The following MKRN1 variants were observed in gnomAD, a reference collection of about 807,000 sequenced individuals.
MKRN1 encodes the protein E3 ubiquitin-protein ligase makorin-1.
In MKRN1, 9 loss-of-function variants were observed where a neutral mutation model predicts 55.5. That is an observed-to-expected ratio of 0.16 (90% confidence interval 0.10 to 0.28). The LOEUF is 0.28. MKRN1 is among the 10% of genes least tolerant of loss of function. The probability of loss-of-function intolerance (pLI) is 1.00; values close to 1 mark genes in which losing one functional copy is unlikely to be tolerated. For missense variants in MKRN1, 488 were observed against 626.7 expected (o/e 0.78, Z 2.36); for synonymous variants, 253 against 235.9 (o/e 1.07, Z -0.66).
intron 2 of MKRN1, among the ~76,000 whole-genome samples, chr7:140,464,396 T>C (rs1361609813): frequency 6.6e-6 from 1 of 151,450 alleles, no homozygotes; most frequent in Non-Finnish European, 1.5e-5. Flanking sequence ...AGAGCAAGAC[T>C]ATCCTGTCCC....
In MKRN1 at chr7:140,454,584, G is replaced by T. The variant is rs1794414242; in HGVS notation, c.1382C>A (p.Thr461Lys). ...CAAGTCCCACTCATCTTCAGAGTCT[G>T]TTAGTTCGTCGTCCCCACCTGCAGC... ...LLAAGGDDELTDSEDEWDLFH... is the reference protein window; with the variant it reads ...LLAAGGDDELKDSEDEWDLFH... The change falls in exon 8 of 8, where the codon ACA becomes AAA. Residue 461 changes from threonine (T) to lysine (K), a missense_variant. Coordinates refer to ENST00000255977, the MANE Select transcript of MKRN1 (RefSeq NM_013446.4). The T allele has an allele frequency of 3.1e-6, 5 of 1,613,698 alleles. No homozygotes were observed. Among genetic ancestry groups the T allele is most frequent in the Non-Finnish European group, 3.4e-6 (4 of 1,179,872 alleles).
rs1795220160 is a variant in MKRN1, at chr7:140,479,275, C to CCGCCGT, written c.64_69dup (p.Thr22_Ala23dup). The stretch of plus-strand genomic sequence containing the variant: ...GGGATCGGGGTGGGGGAGGCTGCTG[C>CCGCCGT]CGCCGTCGCCGCTGCCGCTCCTGCT... On this transcript the variant is annotated inframe_insertion, in exon 1 of 8. Transcript: ENST00000255977. The CCGCCGT allele has an allele frequency of 7.2e-7, 1 of 1,389,674 alleles. No individual in the cohort carries two copies. The highest frequency in any genetic ancestry group is 1.5e-5 in the African/African-American group (1 of 65,346). 86.1% of individuals were successfully genotyped at this position (1,389,674 alleles called of 1,614,324 possible).
At chr7:140,470,271 C>T (rs1794887039) in intron 2 of MKRN1, among the ~76,000 whole-genome samples, 1 of 149,728 alleles carries the variant, frequency 6.7e-6, no homozygotes, top group Non-Finnish European at 1.5e-5. Context: ...TGCCAACAGT[C>T]ATGAGAGTAA....
Position 140,459,721 on chromosome 7 carries a change from G to A in MKRN1, c.530C>T (p.Pro177Leu), listed in dbSNP as rs201667171. 2 of 1,613,808 alleles carry A rather than the reference G, an allele frequency of 1.2e-6. No individual in the cohort carries two copies. Among genetic ancestry groups the A allele is most frequent in the Non-Finnish European group, 1.7e-6 (2 of 1,179,780 alleles). The change falls in exon 3 of 8, where the codon CCC becomes CTC. Residue 177 changes from proline (P) to leucine (L), a missense_variant. Physicochemically the swap from Pro to Leu is moderately conservative, Grantham distance 98. Around this residue, in one of 2 missense-constraint regions of MKRN1, gnomAD observed 278 missense variants for 406.7 expected, o/e 0.68. Transcript: ENST00000255977. ...VNAIEFVPGQPYCGRTAPSCT... is the reference protein window; with the variant it reads ...VNAIEFVPGQLYCGRTAPSCT... ...AGAATACTTACTACGGCCACAGTAG[G>A]GTTGCCCAGGAACAAACTCAATAGC... is the stretch of plus-strand genomic sequence containing the variant.
intron 1 of MKRN1, among the ~76,000 whole-genome samples, chr7:140,477,346 C>T (rs1192562068): frequency 2.0e-5 from 3 of 151,550 alleles, no homozygotes; most frequent in Non-Finnish European, 2.9e-5. Context: ...TTTCTTCTGA[C>T]AGAGTTTCAC....
intron 1 of MKRN1, chr7:140,474,398 TG>T: frequency 2.9e-6 from 1 of 340,300 alleles, no homozygotes; most frequent in Non-Finnish European, 6.0e-6. Context: ...CCCAGCTACT[TG>T]GGAGGCTGAG....
chr7:140,469,852 C>T (rs1432392803), intron 2 of MKRN1, among the ~76,000 whole-genome samples: 1 of 151,990 alleles, frequency 6.6e-6, no homozygotes, highest in African/African-American at 2.4e-5. Context: ...AGATCAAGAC[C>T]ATCCTTTCAA....
chr7:140,456,035 A>C lies in MKRN1; in HGVS notation c.987-135T>G. The C allele has an allele frequency of 5.0e-6, 5 of 996,054 alleles. No individual in the cohort carries two copies. The Admixed American group carries it at 1.3e-4, about 25-fold the overall frequency. The allele number at this position is 996,054 out of a possible 1,614,324, so 61.7% of individuals were successfully genotyped here. On this transcript the variant is annotated intron_variant, in intron 5 of 7. Transcript: ENST00000255977. ...CGTGGGCATTTCCTGAAAGGGTTCC[A>C]CATACTGTCACACAACTGACCATTT...
chr7:140,457,295 C>T (rs972457111), intron 4 of MKRN1, among the ~76,000 whole-genome samples: 5 of 152,062 alleles, frequency 3.3e-5, no homozygotes, highest in African/African-American at 9.7e-5. Context: ...ACAACTTCAT[C>T]GAGATTTTTC....
intron 2 of MKRN1, 168 bp from the exon 3 acceptor site, chr7:140,460,104 C>T (rs773700099): frequency 1.6e-6 from 1 of 640,056 alleles, no homozygotes; most frequent in Non-Finnish European, 2.8e-6. Flanking sequence ...CAAAAATTAG[C>T]TGGGCATGGT....
In MKRN1 at chr7:140,454,631, G is replaced by C. The variant is rs777122502; in HGVS notation, c.1335C>G (p.Gly445=). Reference sequence around the variant, plus strand: ...CAGCCAAAAGCATAAGCAACATCTCGCCCAGCTCAAAGGTGACAACCTCTT... The same window carrying C: ...CAGCCAAAAGCATAAGCAACATCTCCCCCAGCTCAAAGGTGACAACCTCTT... ...DEEEVVTFEL[G]EMLLMLLAAG... The change falls in exon 8 of 8, where the codon GGC becomes GGG. Residue 445 remains glycine (G), a synonymous_variant. Transcript: ENST00000255977. The C allele has an allele frequency of 2.2e-5, 35 of 1,613,768 alleles. No individual in the cohort carries two copies. The highest frequency in any genetic ancestry group is 2.8e-5 in the Non-Finnish European group (33 of 1,179,862).
intron 2 of MKRN1, among the ~76,000 whole-genome samples, chr7:140,469,482 A>C (rs1220320936): frequency 6.6e-6 from 1 of 152,224 alleles, no homozygotes; most frequent in Non-Finnish European, 1.5e-5. Flanking sequence ...GTCCAGAATC[A>C]GTGGAAATAA....
At chr7:140,460,246 CAAAAAAA>C (rs58698651) in intron 2 of MKRN1, 67 of 77,250 alleles carry the variant, frequency 8.7e-4, no homozygotes, top group South Asian at 3.8e-3. Context: ...GACTCCGTCT[CAAAAAAA>C]AAAAAAAAAA....
chr7:140,456,444 A>G, intron 5 of MKRN1: 1 of 1,404,812 alleles, frequency 7.1e-7, no homozygotes, highest in Middle Eastern at 2.3e-4. Context: ...TAACTGATAC[A>G]CAGGGTTTCC....
chr7:140,476,212 T>C (rs942173858), intron 1 of MKRN1, among the ~76,000 whole-genome samples: 2 of 152,164 alleles, frequency 1.3e-5, no homozygotes, highest in Non-Finnish European at 2.9e-5. Flanking sequence ...ATATTGAAAA[T>C]GTTTATTTAT....
chr7:140,479,185 C>CGCCGCCGCT lies in MKRN1; in HGVS notation c.151_159dup (p.Ser51_Gly53dup), dbSNP rs1795214719. On this transcript the variant is annotated inframe_insertion, in exon 1 of 8. Coordinates refer to ENST00000255977, the MANE Select transcript of MKRN1 (RefSeq NM_013446.4). ...CTGCAGGTGACCTGTTTAGTCCAGC[C>CGCCGCCGCT]GCCGCCGCTGCCGTCGCTGCCGCCG... is the stretch of plus-strand genomic sequence containing the variant. 6.9e-7 allele frequency: 1 copy of CGCCGCCGCT among 1,459,306 alleles called. No individual in the cohort carries two copies. The highest frequency in any genetic ancestry group is 9.0e-7 in the Non-Finnish European group (1 of 1,107,576). The allele number at this position is 1,459,306 out of a possible 1,614,324, so 90.4% of individuals were successfully genotyped here.
intron 2 of MKRN1, among the ~76,000 whole-genome samples, chr7:140,464,043 A>G (rs1585477221): frequency 6.6e-6 from 1 of 151,968 alleles, no homozygotes; most frequent in South Asian, 2.1e-4. Flanking sequence ...TCAGCCTCCC[A>G]AGTAGCTGGG....
intron 3 of MKRN1, 143 bp downstream of exon 3, chr7:140,459,564 T>C: frequency 1.2e-6 from 1 of 805,842 alleles, no homozygotes; most frequent in East Asian, 2.7e-5. Context: ...TCTGTAAATC[T>C]TAGGTAATCC....
At chr7:140,469,650 C>T (rs1014829736) in intron 2 of MKRN1, among the ~76,000 whole-genome samples, 2 of 152,124 alleles carry the variant, frequency 1.3e-5, no homozygotes, top group East Asian at 1.9e-4. Flanking sequence ...GGGTGGCTCA[C>T]GCCTGTAATC....
Sources: allele counts gnomAD v4.1 joint callset (sites outside exome capture counted in the v4.1 genomes callset), GRCh38; gene constraint gnomAD v4.1.1; regional missense constraint gnomAD v4.1.1; transcripts MANE v1.5; gene names NCBI Gene and HGNC (gene_info 2026-07-23, HGNC 2026-07-21).